Variants in CDKN2A observed in about 807,000 individuals in gnomAD.
The protein encoded by CDKN2A is cyclin dependent kinase inhibitor 2A, also known as cyclin-dependent kinase inhibitor 2A.
In CDKN2A, 3 loss-of-function variants were observed where a neutral mutation model predicts 11.1. The ratio of observed to expected loss-of-function variants is 0.27; its 90% CI spans 0.12 to 0.70. CDKN2A has a LOEUF of 0.70. CDKN2A is among the 30% of genes least tolerant of loss of function. CDKN2A has a pLI of 0.77. For synonymous variants in CDKN2A, 122 were observed against 108.1 expected (o/e 1.13, Z -0.80); for missense variants, 265 against 233.6 (o/e 1.13, Z -0.88).
At chr9:21,993,872 C>T (rs1245710387) in intron 2 of CDKN2A, 3 of 517,612 alleles carry the variant, frequency 5.8e-6, no homozygotes, top group Admixed American at 3.2e-5. Flanking sequence ...CCAGGATATT[C>T]GGGACTCACT....
At position 21,991,977 on chromosome 9, in the gene CDKN2A, AAT is replaced by A. The variant is rs1820440379; in HGVS notation, c.-4+1903_-4+1904del. 1.0e-6 allele frequency: 1 copy of A among 983,596 alleles called. No homozygotes were observed. The highest frequency in any genetic ancestry group is 1.2e-6 in the Non-Finnish European group (1 of 828,220). The allele number at this position is 983,596 out of a possible 1,614,324, so 60.9% of individuals were successfully genotyped here. On this transcript the variant is annotated intron_variant, in intron 2 of 3. Transcript: ENST00000494262. The surrounding 1 kb of genome is among the most constrained non-coding windows in gnomAD (Gnocchi z 5.2). ...AATGAATATTTAACTTCATAATAAAAATATGACTATTTTGTAAATGCACCAAG... is the reference window on the plus strand; with the variant it reads ...AATGAATATTTAACTTCATAATAAAAATGACTATTTTGTAAATGCACCAAG...
At position 21,991,734 on chromosome 9, in the gene CDKN2A, T is replaced by G; in HGVS notation, c.-4+2148A>C. On this transcript the variant is annotated intron_variant, in intron 2 of 3. Transcript: ENST00000494262. This position sits in a 1 kb window ranked among gnomAD's most constrained non-coding sequence, Gnocchi z 5.2. ...CTATGTTGTTGCTACCTTAGGATCA[T>G]AATGGACTTTCTAAAATTCAAGAGT... 1 of 984,456 alleles carries G rather than the reference T, an allele frequency of 1.0e-6. No homozygotes were observed. Among genetic ancestry groups the G allele is most frequent in the South Asian group, 4.7e-5 (1 of 21,272 alleles). The allele number at this position is 984,456 out of a possible 1,614,324, so 61.0% of individuals were successfully genotyped here.
rs1020189847 is a variant in CDKN2A, at chr9:21,991,731, T to C, written c.-4+2151A>G. On this transcript the variant is annotated intron_variant, in intron 2 of 3. Transcript: ENST00000494262. This position sits in a 1 kb window ranked among gnomAD's most constrained non-coding sequence, Gnocchi z 5.2. ...AGGCTATGTTGTTGCTACCTTAGGA[T>C]CATAATGGACTTTCTAAAATTCAAG... 1.8e-5 allele frequency: 18 copies of C among 984,360 alleles called. No individual in the cohort carries two copies. The highest frequency in any genetic ancestry group is 2.2e-5 in the Non-Finnish European group (18 of 828,982). 61.0% of individuals were successfully genotyped at this position (984,360 alleles called of 1,614,324 possible).
intron 1 of CDKN2A, among the ~76,000 whole-genome samples, chr9:21,973,357 T>C (rs1819869228): frequency 6.6e-6 from 1 of 152,250 alleles, no homozygotes. Flanking sequence ...TGTTCCTATA[T>C]TAAACACCAA....
At position 21,968,751 on chromosome 9, in the gene CDKN2A, A is replaced by T. The variant is rs1819536195; in HGVS notation, c.458-509T>A. On this transcript the variant is annotated intron_variant, in intron 2 of 2. Transcript: ENST00000304494. The surrounding 1 kb of genome is among the most constrained non-coding windows in gnomAD (Gnocchi z 4.7). ...TACGCATGCCTGCTTCTACAAACCC[A>T]CAAATGGTTTCCGATCATTTCTGAA... 4 of 1,535,784 alleles carry T rather than the reference A, an allele frequency of 2.6e-6. No individual in the cohort carries two copies. Among genetic ancestry groups the T allele is most frequent in the African/African-American group, 1.4e-5 (1 of 73,000 alleles).
At chr9:21,994,387 A>G (rs1193627235) in intron 1 of CDKN2A, 1 of 1,607,694 alleles carries the variant, frequency 6.2e-7, no homozygotes, top group Admixed American at 1.7e-5. Context: ...CTTTGGCACC[A>G]GAGGTGAGCA....
At chr9:21,994,484 C>A (rs1212618363) in intron 1 of CDKN2A, 2 of 1,484,090 alleles carry the variant, frequency 1.3e-6, no homozygotes, top group Non-Finnish European at 1.8e-6. Context: ...ACCCGCCTTC[C>A]CTGAGCGCGC....
At chr9:21,971,455 G>T in intron 1 of CDKN2A, 1 of 1,177,530 alleles carries the variant, frequency 8.5e-7, no homozygotes, top group Non-Finnish European at 1.1e-6. Flanking sequence ...AGCACTGTGA[G>T]GCACGGGCAA....
chr9:21,972,459 C>A (rs1210581770), intron 1 of CDKN2A, among the ~76,000 whole-genome samples: 3 of 152,074 alleles, frequency 2.0e-5, no homozygotes, highest in South Asian at 2.1e-4. Context: ...AGAGAAAATA[C>A]AGAGACCATG....
chr9:21,968,445 G>A lies in CDKN2A; in HGVS notation c.458-203C>T. 6.7e-7 allele frequency: 1 copy of A among 1,490,664 alleles called. No homozygotes were observed. The highest frequency in any genetic ancestry group is 8.9e-7 in the Non-Finnish European group (1 of 1,123,224). The allele number at this position is 1,490,664 out of a possible 1,614,324, so 92.3% of individuals were successfully genotyped here. A position where few individuals can be genotyped will look rare whatever the true frequency, so the allele number is the denominator to read the frequency against. On this transcript the variant is annotated intron_variant, in intron 2 of 2. Transcript: ENST00000304494. This position sits in a 1 kb window ranked among gnomAD's most constrained non-coding sequence, Gnocchi z 4.7. ...CAGCTAGTCCACTGCCCGCCTGGCT[G>A]CTCCAGGCGCGCCGACCGCTCAAGC...
At position 21,974,808 on chromosome 9, in the gene CDKN2A, C is replaced by T. The variant is rs2131114038; in HGVS notation, c.20G>A (p.Ser7Asn). The T allele has an allele frequency of 6.2e-7, 1 of 1,602,646 alleles. No individual in the cohort carries two copies. Among genetic ancestry groups the T allele is most frequent in the East Asian group, 2.2e-5 (1 of 44,768 alleles). Residue 7 changes from serine to asparagine, a missense_variant, in exon 1 of 3, where the codon AGC becomes AAC. Physicochemically the swap from Ser to Asn is conservative, Grantham distance 46. Transcript: ENST00000304494. The surrounding 1 kb of genome is among the most constrained non-coding windows in gnomAD (Gnocchi z 5.2). Reference protein sequence around the residue: MEPAAGSSMEPSADWLA... With the variant: MEPAAGNSMEPSADWLA... ...CCAGTCAGCCGAAGGCTCCATGCTG[C>T]TCCCCGCCGCCGGCTCCATGCTGCT...
chr9:21,993,931 T>C, exon 2 of CDKN2A: 1 of 614,906 alleles, frequency 1.6e-6, no homozygotes, highest in Non-Finnish European at 2.9e-6. Context: ...TTTCCCACGA[T>C]TGAGGGGCTG....
chr9:21,983,060 G>A (rs1303089230), intron 2 of CDKN2A, among the ~76,000 whole-genome samples: 1 of 152,062 alleles, frequency 6.6e-6, no homozygotes, highest in Admixed American at 6.5e-5. Context: ...AGAGCAAGTT[G>A]CAAAACCTGG....
Position 21,970,887 on chromosome 9 carries a change from A to C in CDKN2A, c.457+15T>G, listed in dbSNP as rs1554653846. 1 of 1,610,232 alleles carries C rather than the reference A, an allele frequency of 6.2e-7. No individual in the cohort carries two copies. Among genetic ancestry groups the C allele is most frequent in the Non-Finnish European group, 8.5e-7 (1 of 1,179,834 alleles). On this transcript the variant is annotated intron_variant, in intron 2 of 2. Coordinates refer to ENST00000304494, the MANE Select transcript of CDKN2A (RefSeq NM_000077.5). ...AAGCTCTCAGGGTACAAATTCTCAGATCATCAGTCCTCACCTGAGGGACCT... is the reference window on the plus strand; with the variant it reads ...AAGCTCTCAGGGTACAAATTCTCAGCTCATCAGTCCTCACCTGAGGGACCT...
At chr9:21,994,414 C>T (rs781358597) in intron 1 of CDKN2A, 2 of 1,605,262 alleles carry the variant, frequency 1.2e-6, no homozygotes, top group South Asian at 2.2e-5. Flanking sequence ...CTCCTGCCCC[C>T]TTAACTGCAG....
In CDKN2A at chr9:21,974,803, T is replaced by A. The variant is rs748866274; in HGVS notation, c.25A>T (p.Met9Leu). 5.6e-6 allele frequency: 9 copies of A among 1,604,328 alleles called. No individual in the cohort carries two copies. The highest frequency in any genetic ancestry group is 1.7e-5 in the Admixed American group (1 of 59,724). The change falls in exon 1 of 3, where the codon ATG becomes TTG. Residue 9 changes from methionine (M) to leucine (L), a missense_variant. Met to Leu is a conservative substitution (Grantham distance 15). Coordinates refer to ENST00000304494, the MANE Select transcript of CDKN2A (RefSeq NM_000077.5). The surrounding 1 kb of genome is among the most constrained non-coding windows in gnomAD (Gnocchi z 5.2). ...GCCAGCCAGTCAGCCGAAGGCTCCA[T>A]GCTGCTCCCCGCCGCCGGCTCCATG... MEPAAGSSMEPSADWLATA... is the reference protein window; with the variant it reads MEPAAGSSLEPSADWLATA...
intron 2 of CDKN2A, among the ~76,000 whole-genome samples, chr9:21,981,613 G>A (rs1587348018): frequency 7.1e-6 from 1 of 141,150 alleles, no homozygotes; most frequent in East Asian, 2.2e-4. Flanking sequence ...CACCTACTTT[G>A]TTACCCTGAA....
At chr9:21,992,042 T>C (rs930187732) in intron 2 of CDKN2A, 1 of 983,322 alleles carries the variant, frequency 1.0e-6, no homozygotes. Flanking sequence ...TTTTTCAGGT[T>C]TCTGTGGTTA....
rs1391893084 is a variant in CDKN2A at position 21,990,553 on chromosome 9, A to T, written c.-4+3329T>A. Among the ~76,000 whole-genome samples the T allele has an allele frequency of 4.0e-5, 6 of 148,430 alleles. No individual in the cohort carries two copies. The East Asian group carries it at 1.2e-3, about 30-fold the overall frequency. On this transcript the variant is annotated intron_variant, in intron 2 of 3. Coordinates refer to the CDKN2A transcript ENST00000494262. Reference sequence around the variant, plus strand: ...CAAAAGTGAAACGAAGAAAATAAATATCACCAAACTTTTTCCCAACCCCTC... The same window carrying T: ...CAAAAGTGAAACGAAGAAAATAAATTTCACCAAACTTTTTCCCAACCCCTC...
Sources: gnomAD v4.1 joint callset for allele counts (sites outside exome capture counted in the v4.1 genomes callset) on GRCh38, gnomAD v4.1.1 for gene constraint, Gnocchi (gnomAD v3.1) non-coding constraint, MANE v1.5 for transcripts, NCBI Gene and HGNC (gene_info 2026-07-23, HGNC 2026-07-21) for gene names.